Variants in PCSK2 observed in about 807,000 individuals in gnomAD.
The protein encoded by PCSK2 is proprotein convertase subtilisin/kexin type 2, also known as neuroendocrine convertase 2.
Under a neutral mutation model 69.7 loss-of-function variants are expected in PCSK2, and 14 were observed. The ratio of observed to expected loss-of-function variants is 0.20; its 90% CI spans 0.13 to 0.31. PCSK2 has a LOEUF of 0.31. Among genes scored for constraint, PCSK2 ranks in the 10% least tolerant of loss-of-function variants. The pLI is 1.00. For synonymous variants in PCSK2, 307 were observed against 320.7 expected (o/e 0.96, Z 0.46); for missense variants, 544 against 842.5 (o/e 0.65, Z 4.39).
chr20:17,410,150 A>C (rs966079195), intron 6 of PCSK2, among the ~76,000 whole-genome samples: 4 of 151,794 alleles, frequency 2.6e-5, no homozygotes, highest in African/African-American at 9.7e-5. Context: ...TTCTCATGGC[A>C]CTCTAAGTAG....
Position 17,266,619 on chromosome 20 carries a change from G to T in PCSK2, c.282+6275G>T, listed in dbSNP as rs1987613413. Among the ~76,000 whole-genome samples, 4 of 152,314 alleles carry T rather than the reference G, an allele frequency of 2.6e-5. No homozygotes were observed. In the South Asian group the frequency reaches 8.3e-4, roughly 32 times the overall value. ...ATTTCCCAGAAACAGACTCTGAGAT[G>T]CAGAGTTGTATGCCAGAGACTTCTT... is the stretch of plus-strand genomic sequence containing the variant. On this transcript the variant is annotated intron_variant, in intron 2 of 11. Coordinates refer to ENST00000262545, the MANE Select transcript of PCSK2 (RefSeq NM_002594.5).
chr20:17,270,447 A>G (rs1987816863), intron 2 of PCSK2, among the ~76,000 whole-genome samples: 2 of 152,162 alleles, frequency 1.3e-5, no homozygotes, highest in Admixed American at 6.6e-5. Context: ...ATGAGTAAAC[A>G]GCAGTTAGGC....
chr20:17,317,919 G>A (rs1989739935), intron 2 of PCSK2, among the ~76,000 whole-genome samples: 1 of 152,304 alleles, frequency 6.6e-6, no homozygotes, highest in Non-Finnish European at 1.5e-5. Flanking sequence ...CAAATAGCTT[G>A]AGGGTTGCCT....
At chr20:17,390,754 T>C (rs1166862631) in intron 5 of PCSK2, among the ~76,000 whole-genome samples, 1 of 152,220 alleles carries the variant, frequency 6.6e-6, no homozygotes, top group Non-Finnish European at 1.5e-5. Context: ...GATTCAAACA[T>C]TACAGAAGTG....
chr20:17,275,943 C>T (rs1988056262), intron 2 of PCSK2, among the ~76,000 whole-genome samples: 1 of 152,070 alleles, frequency 6.6e-6, no homozygotes, highest in African/African-American at 2.4e-5. Flanking sequence ...ACAACCACAT[C>T]TATACAATGT....
intron 2 of PCSK2, among the ~76,000 whole-genome samples, chr20:17,348,113 G>GA (rs2029877479): frequency 1.3e-5 from 2 of 150,318 alleles, no homozygotes; most frequent in African/African-American, 4.9e-5. Context: ...GAAAAGAAAA[G>GA]AAAGAGAGAG....
intron 4 of PCSK2, among the ~76,000 whole-genome samples, chr20:17,368,796 A>G: frequency 6.6e-6 from 1 of 152,030 alleles, no homozygotes; most frequent in Non-Finnish European, 1.5e-5. Flanking sequence ...CCTTTACCTA[A>G]TGGCTTTTCT....
At chr20:17,268,030 T>TGG (rs1491149974) in intron 2 of PCSK2, among the ~76,000 whole-genome samples, 2 of 41,994 alleles carry the variant, frequency 4.8e-5, no homozygotes, top group Non-Finnish European at 8.8e-5. Context: ...ATATATCCAA[T>TGG]GTGTATATAT....
chr20:17,358,202 AC>A, intron 2 of PCSK2, 124 bp from the exon 3 acceptor site: 1 of 630,600 alleles, frequency 1.6e-6, no homozygotes, highest in Non-Finnish European at 2.9e-6. Context: ...TATGAGATGA[AC>A]TTGCTTTTGC....
chr20:17,334,857 G>C (rs1016640045), intron 2 of PCSK2, among the ~76,000 whole-genome samples: 3 of 152,140 alleles, frequency 2.0e-5, no homozygotes, highest in African/African-American at 7.2e-5. Flanking sequence ...GTCATGTTGG[G>C]TTTCCCCTGC....
At chr20:17,436,660 C>T (rs368648599) in intron 7 of PCSK2, 48 bp from the exon 8 acceptor site, 34 of 1,540,808 alleles carry the variant, frequency 2.2e-5, no homozygotes, top group African/African-American at 4.1e-5. Context: ...TTGTCTCCTG[C>T]GAACTGGGGA....
chr20:17,416,221 C>T (rs1276147193), intron 6 of PCSK2, among the ~76,000 whole-genome samples: 1 of 152,140 alleles, frequency 6.6e-6, no homozygotes, highest in Non-Finnish European at 1.5e-5. Context: ...AAGAAACTAC[C>T]ATCAGAGTGA....
intron 9 of PCSK2, among the ~76,000 whole-genome samples, chr20:17,454,878 G>A (rs1430990419): frequency 6.6e-6 from 1 of 152,186 alleles, no homozygotes; most frequent in East Asian, 1.9e-4. Flanking sequence ...AGATGGCCAT[G>A]CCCCTGCGTG....
chr20:17,467,738 T>C (rs2033126206), intron 11 of PCSK2, among the ~76,000 whole-genome samples: 1 of 152,154 alleles, frequency 6.6e-6, no homozygotes, highest in Admixed American at 6.5e-5. Context: ...AAAACGGAGC[T>C]AATGTTTTTC....
intron 11 of PCSK2, among the ~76,000 whole-genome samples, chr20:17,477,037 G>T (rs753898985): frequency 2.0e-5 from 3 of 152,152 alleles, no homozygotes; most frequent in African/African-American, 7.2e-5. Flanking sequence ...CCATGAAACC[G>T]TTTAAGTCTA....
intron 4 of PCSK2, among the ~76,000 whole-genome samples, chr20:17,365,173 C>T (rs1191980362): frequency 6.6e-6 from 1 of 152,154 alleles, no homozygotes; most frequent in African/African-American, 2.4e-5. Flanking sequence ...TAAAGGCTTG[C>T]TCTCTGCTTC....
intron 8 of PCSK2, among the ~76,000 whole-genome samples, chr20:17,439,388 G>C (rs1275471874): frequency 2.0e-5 from 3 of 152,074 alleles, no homozygotes; most frequent in Non-Finnish European, 4.4e-5. Flanking sequence ...GCCTCCCGAG[G>C]TGGGATTACA....
intron 8 of PCSK2, among the ~76,000 whole-genome samples, chr20:17,438,680 C>T (rs1415858973): frequency 6.6e-6 from 1 of 152,200 alleles, no homozygotes; most frequent in Non-Finnish European, 1.5e-5. Context: ...CTGCTGATGG[C>T]TCACAGTGGG....
chr20:17,269,374 G>A (rs557971828), intron 2 of PCSK2, among the ~76,000 whole-genome samples: 1 of 152,248 alleles, frequency 6.6e-6, no homozygotes, highest in Admixed American at 6.5e-5. Flanking sequence ...CAGAAAAGCA[G>A]CAAGTAATCT....
Sources: gnomAD v4.1 joint callset for allele counts (sites outside exome capture counted in the v4.1 genomes callset) on GRCh38, gnomAD v4.1.1 for gene constraint, MANE v1.5 for transcripts, NCBI Gene and HGNC (gene_info 2026-07-23, HGNC 2026-07-21) for gene names.